The following VWF variants were observed in gnomAD, a reference collection of about 807,000 sequenced individuals.
VWF encodes Factor VIII related antigen.
A neutral mutation model predicts 308.6 loss-of-function variants in VWF; 176 were observed. That is an observed-to-expected ratio of 0.57 (90% CI 0.50 to 0.65). The LOEUF (loss-of-function observed/expected upper bound fraction) is 0.65, where lower values mean the gene tolerates loss of function less well. Among genes scored for constraint, VWF ranks in the 30% least tolerant of loss-of-function variants. The probability of loss-of-function intolerance (pLI) is 0.00; values close to 1 mark genes in which losing one functional copy is unlikely to be tolerated. For missense variants in VWF, 3,146 were observed against 3,648.2 expected, an observed-to-expected ratio of 0.86 and a Z score of 3.55; for synonymous variants, 1,385 against 1,443.4, an observed-to-expected ratio of 0.96 and a Z score of 0.92.
chr12:5,976,665 C>T (rs1943536888), intron 42 of VWF, among the ~76,000 whole-genome samples: 2 of 152,180 alleles, frequency 1.3e-5, no homozygotes, highest in South Asian at 4.1e-4. Flanking sequence ...GCCCTCTGCC[C>T]ACTTACGAGC....
intron 15 of VWF, 81 bp downstream of exon 15, chr12:6,056,776 C>G: frequency 8.3e-7 from 1 of 1,204,032 alleles, no homozygotes; most frequent in Non-Finnish European, 1.1e-6. Flanking sequence ...CAGGAAACAA[C>G]GCAGAGAAAG....
Position 6,121,247 on chromosome 12 carries a change from G to C in VWF, c.147C>G (p.Ser49Arg), listed in dbSNP as rs61753986. ...TGCAGTATCCCGCAAAGCTGTACAT[G>C]CTCCCATCAAAGGTGTTGACGAAGT... Reference protein sequence around the residue: ...GSDFVNTFDGSMYSFAGYCSY... With the variant: ...GSDFVNTFDGRMYSFAGYCSY... The change falls in exon 3 of 52, where the codon AGC (serine) becomes AGG (arginine). Residue 49 changes from serine to arginine, a missense_variant. Transcript: ENST00000261405. The C allele has an allele frequency of 7.4e-6, 12 of 1,614,118 alleles. No homozygotes were observed. Among genetic ancestry groups the C allele is most frequent in the Non-Finnish European group, 1.0e-5 (12 of 1,180,054 alleles).
rs1591882504 is a variant in VWF, at chr12:6,046,884, A to C, written c.2187-67T>G. On this transcript the variant is annotated intron_variant, in intron 16 of 51. Transcript: ENST00000261405. This position sits in a 1 kb window ranked among gnomAD's most constrained non-coding sequence, Gnocchi z 5.0. The stretch of plus-strand genomic sequence containing the variant: ...CTATACTCGCTGCCTCCACATCTTC[A>C]CCTCCCACTCACTCTCTGCCCCTTC... 3 of 1,417,216 alleles carry C rather than the reference A, an allele frequency of 2.1e-6. No individual in the cohort carries two copies. The highest frequency in any genetic ancestry group is 2.0e-6 in the Non-Finnish European group (2 of 1,018,416). The allele number at this position is 1,417,216 out of a possible 1,614,324, so 87.8% of individuals were successfully genotyped here. A position where few individuals can be genotyped will look rare whatever the true frequency, so the allele number is the denominator to read the frequency against.
chr12:6,124,082 G>A (rs955396167), intron 1 of VWF, among the ~76,000 whole-genome samples: 3 of 152,156 alleles, frequency 2.0e-5, no homozygotes, highest in Admixed American at 2.0e-4. Flanking sequence ...GATACTGCCA[G>A]GTCTCGGTCT....
rs140166649 is a variant in VWF at position 6,102,971 on chromosome 12, T to C, written c.533-7387A>G. 7.1e-3 allele frequency among the ~76,000 whole-genome samples: 1,086 copies of C among 152,200 alleles called. 5 individuals carry two copies. Among genetic ancestry groups the C allele is most frequent in the Non-Finnish European group, 9.1e-3 (622 of 68,012 alleles). On this transcript the variant is annotated intron_variant, in intron 5 of 51. Transcript: ENST00000261405. ...GAACAAAGCTGGAGGCATCACAATA[T>C]GTGACTTCAAAATATATTACAAGAA...
Position 6,052,595 on chromosome 12 carries a change from C to A in VWF, c.2134G>T (p.Asp712Tyr). Residue 712 changes from aspartate to tyrosine, a missense_variant, in exon 16 of 52, where the codon GAC becomes TAC. Physicochemically the swap from Asp to Tyr is radical, Grantham distance 160 (BLOSUM62 -3). Transcript: ENST00000261405. ...TCTTCTGGCTGGAAGATCTCACCGT[C>A]ATAGTAACAGGGGCACTGGGCCTTG... ...VPKAQCPCYY[D>Y]GEIFQPEDIF... 6.2e-7 allele frequency: 1 copy of A among 1,614,258 alleles called. No homozygotes were observed. The highest frequency in any genetic ancestry group is 1.1e-5 in the South Asian group (1 of 91,078).
At chr12:6,066,850 CT>C (rs1267687608) in intron 10 of VWF, among the ~76,000 whole-genome samples, 2 of 152,236 alleles carry the variant, frequency 1.3e-5, no homozygotes, top group Non-Finnish European at 2.9e-5. Context: ...CCAGGCTAGA[CT>C]GTGCAGTACT....
intron 38 of VWF, among the ~76,000 whole-genome samples, chr12:5,990,646 TTCTA>T (rs1272258519): frequency 6.6e-6 from 1 of 151,900 alleles, no homozygotes; most frequent in Non-Finnish European, 1.5e-5. Flanking sequence ...CCAAATATGC[TTCTA>T]TCTCTACCAC....
At chr12:6,103,415 C>CATAT (rs1565390967) in intron 5 of VWF, among the ~76,000 whole-genome samples, 4 of 112,962 alleles carry the variant, frequency 3.5e-5, no homozygotes, top group African/African-American at 6.1e-5. Context: ...TGTATACACA[C>CATAT]GTGTGTGTAT....
intron 20 of VWF, among the ~76,000 whole-genome samples, chr12:6,033,776 G>A (rs1013870397): frequency 2.6e-5 from 4 of 152,162 alleles, no homozygotes; most frequent in African/African-American, 2.4e-5. Context: ...AGTCACCCAC[G>A]CTGCCTGACT....
chr12:6,008,388 T>C (rs1591856203), intron 34 of VWF, among the ~76,000 whole-genome samples: 1 of 152,126 alleles, frequency 6.6e-6, no homozygotes. Flanking sequence ...ATAAAGGTGA[T>C]ACATAGCATT....
Position 6,068,743 on chromosome 12 carries a change from C to T in VWF, c.1156+2554G>A, listed in dbSNP as rs551598938. Among the ~76,000 whole-genome samples the T allele has an allele frequency of 2.0e-4, 31 of 152,144 alleles. No individual in the cohort carries two copies. In the South Asian group the frequency reaches 5.6e-3, roughly 28 times the overall value. On this transcript the variant is annotated intron_variant, in intron 10 of 51. Coordinates refer to ENST00000261405, the MANE Select transcript of VWF (RefSeq NM_000552.5). The stretch of plus-strand genomic sequence containing the variant: ...ACCTCAAATGATCCACCTGCCTTGG[C>T]CTCCCAAAGTGCTGGGATTACAGGC...
At chr12:5,993,222 C>A (rs754940997) in intron 37 of VWF, among the ~76,000 whole-genome samples, 4 of 152,164 alleles carry the variant, frequency 2.6e-5, no homozygotes, top group Non-Finnish European at 5.9e-5. Context: ...GTTCAGTATT[C>A]TTTTCACTCC....
intron 12 of VWF, among the ~76,000 whole-genome samples, chr12:6,064,031 A>T (rs112517825): frequency 2.0e-5 from 3 of 152,308 alleles, no homozygotes; most frequent in African/African-American, 7.2e-5. Context: ...CTTCATCTAT[A>T]GGCTTCCTTC....
At chr12:6,065,748 C>G (rs1050698397) in intron 10 of VWF, among the ~76,000 whole-genome samples, 1 of 151,978 alleles carries the variant, frequency 6.6e-6, no homozygotes, top group Non-Finnish European at 1.5e-5. Context: ...CTCTGGGAAA[C>G]AGTGTCACCC....
At chr12:5,953,879 A>G in intron 47 of VWF, 1 of 407,796 alleles carries the variant, frequency 2.5e-6, no homozygotes, top group Non-Finnish European at 4.5e-6. Context: ...TTACTGGACA[A>G]TTATTCTATT....
chr12:6,095,406 T>C (rs1945094640), intron 6 of VWF, 54 bp downstream of exon 6: 32 of 1,613,076 alleles, frequency 2.0e-5, no homozygotes, highest in Non-Finnish European at 2.7e-5. Flanking sequence ...CTTCTGTCTT[T>C]TAGATCCAGA....
intron 43 of VWF, among the ~76,000 whole-genome samples, chr12:5,975,445 C>T (rs1188193895): frequency 6.6e-6 from 1 of 152,172 alleles, no homozygotes. Flanking sequence ...CTGATCCATC[C>T]TAAACATGCA....
intron 38 of VWF, among the ~76,000 whole-genome samples, chr12:5,986,249 C>T (rs1213478295): frequency 6.6e-6 from 1 of 152,176 alleles, no homozygotes; most frequent in Non-Finnish European, 1.5e-5. Flanking sequence ...TGAACTCTAA[C>T]AAAGGCTGCA....
Sources: allele counts gnomAD v4.1 joint callset (sites outside exome capture counted in the v4.1 genomes callset), GRCh38; gene constraint gnomAD v4.1.1; non-coding constraint Gnocchi (gnomAD v3.1); transcripts MANE v1.5; gene names NCBI Gene and HGNC (gene_info 2026-07-23, HGNC 2026-07-21).